The following CCSER1 variants were observed in gnomAD, a reference collection of about 807,000 sequenced individuals.
CCSER1 encodes coiled-coil serine rich protein 1.
CCSER1 carries 41 observed loss-of-function variants against 82.0 expected under a neutral mutation model. The observed-to-expected ratio is 0.50, with a 90% CI of 0.39 to 0.65. The LOEUF is 0.65. Ranked by LOEUF, CCSER1 falls within the 30% of genes least tolerant of loss-of-function variation. The probability of loss-of-function intolerance (pLI) is 0.00; values close to 1 mark genes in which losing one functional copy is unlikely to be tolerated. For missense variants in CCSER1, 1,119 were observed against 1,064.2 expected (o/e 1.05, Z -0.72); for synonymous variants, 414 against 383.9 (o/e 1.08, Z -0.92).
chr4:90,376,126 G>A (rs916298903), intron 3 of CCSER1, among the ~76,000 whole-genome samples: 6 of 152,166 alleles, frequency 3.9e-5, no homozygotes, highest in Non-Finnish European at 7.4e-5. Flanking sequence ...AAGTGTTTAA[G>A]GAAAACATCA....
intron 10 of CCSER1, among the ~76,000 whole-genome samples, chr4:91,558,649 G>A (rs1159053929): frequency 1.3e-5 from 2 of 151,606 alleles, no homozygotes; most frequent in Non-Finnish European, 3.0e-5. Flanking sequence ...GGAAGTGAAA[G>A]ACATTTCTTA....
chr4:91,564,747 AT>A (rs1298783019), intron 10 of CCSER1, among the ~76,000 whole-genome samples: 1 of 151,572 alleles, frequency 6.6e-6, no homozygotes, highest in Non-Finnish European at 1.5e-5. Flanking sequence ...TCTCTTGTTA[AT>A]TTGTTTAGGT....
rs4692960 is a variant in CCSER1 at position 91,046,963 on chromosome 4, T to A, written c.2173-38987T>A. Among the ~76,000 whole-genome samples, 17 of 152,108 alleles carry A rather than the reference T, an allele frequency of 1.1e-4. No homozygotes were observed. In the East Asian group the frequency reaches 1.4e-3, roughly 12 times the overall value. ...GATCTCCTGATCATGTGATCTACCC[T>A]CCTCAGCCTCCCAAAGTGCTGGGAT... On this transcript the variant is annotated intron_variant, in intron 9 of 10. Coordinates refer to ENST00000509176, the MANE Select transcript of CCSER1 (RefSeq NM_001145065.2).
chr4:91,462,467 T>G lies in CCSER1; in HGVS notation c.2218-136105T>G, dbSNP rs1042237116. 6.6e-5 allele frequency among the ~76,000 whole-genome samples: 10 copies of G among 152,094 alleles called. No individual in the cohort carries two copies. The South Asian group carries it at 1.2e-3, about 19-fold the overall frequency. The stretch of plus-strand genomic sequence containing the variant: ...GATGGGTGATTTCTGCATTTCCAAC[T>G]GAGGTACCAGGTTCATCTCACTGGG... On this transcript the variant is annotated intron_variant, in intron 10 of 10. Transcript: ENST00000509176.
At chr4:90,902,073 T>C (rs990273269) in intron 8 of CCSER1, among the ~76,000 whole-genome samples, 40 of 151,874 alleles carry the variant, frequency 2.6e-4, no homozygotes, top group African/African-American at 9.4e-4. Context: ...ATCTAGGCTA[T>C]TGTTAAAGCT....
intron 9 of CCSER1, among the ~76,000 whole-genome samples, chr4:90,970,018 A>G (rs149851391): frequency 1.3e-5 from 2 of 152,034 alleles, no homozygotes; most frequent in South Asian, 4.1e-4. Flanking sequence ...TTACAAAGGA[A>G]TATGACAAGA....
chr4:91,455,008 C>A (rs892155730), intron 10 of CCSER1, among the ~76,000 whole-genome samples: 1 of 152,030 alleles, frequency 6.6e-6, no homozygotes, highest in African/African-American at 2.4e-5. Context: ...CCAGTGATTT[C>A]TATTTTTTCC....
chr4:90,599,458 T>A (rs1305086676), intron 5 of CCSER1, among the ~76,000 whole-genome samples: 1 of 152,170 alleles, frequency 6.6e-6, no homozygotes, highest in Non-Finnish European at 1.5e-5. Context: ...CATGTGTAAC[T>A]GTGACTCAAT....
intron 1 of CCSER1, among the ~76,000 whole-genome samples, chr4:90,274,640 T>A (rs7675868): frequency 0.049 from 7,383 of 152,186 alleles, 479 homozygotes; most frequent in African/African-American, 0.15. Context: ...AGATCCAAAG[T>A]ATATTTTTTA....
At chr4:90,638,368 A>C (rs889869753) in intron 6 of CCSER1, among the ~76,000 whole-genome samples, 3 of 152,182 alleles carry the variant, frequency 2.0e-5, no homozygotes, top group African/African-American at 7.2e-5. Context: ...TGCCAGTGTC[A>C]GTGCTCCCAT....
At chr4:90,386,306 G>A (rs368132222) in intron 3 of CCSER1, among the ~76,000 whole-genome samples, 6 of 152,044 alleles carry the variant, frequency 3.9e-5, no homozygotes, top group East Asian at 3.9e-4. Context: ...AAGCAGATAC[G>A]TACACAAATT....
chr4:91,203,178 G>A (rs374005915), intron 10 of CCSER1, among the ~76,000 whole-genome samples: 3 of 151,796 alleles, frequency 2.0e-5, no homozygotes, highest in African/African-American at 7.3e-5. Flanking sequence ...ACTTTTTAAT[G>A]ATCCCCATTC....
intron 9 of CCSER1, among the ~76,000 whole-genome samples, chr4:91,082,347 G>A (rs1213756825): frequency 6.6e-6 from 1 of 152,178 alleles, no homozygotes; most frequent in Non-Finnish European, 1.5e-5. Context: ...TGGGAAAACT[G>A]GCTAACCATA....
chr4:91,180,922 A>C (rs778165676), intron 10 of CCSER1, among the ~76,000 whole-genome samples: 1 of 141,518 alleles, frequency 7.1e-6, no homozygotes, highest in Non-Finnish European at 1.6e-5. Context: ...AGATGGGCCA[A>C]ATTAAAGCAA....
At chr4:91,515,023 C>A (rs1022557365) in intron 10 of CCSER1, among the ~76,000 whole-genome samples, 1 of 151,976 alleles carries the variant, frequency 6.6e-6, no homozygotes, top group Non-Finnish European at 1.5e-5. Flanking sequence ...ACAAAAACAC[C>A]CGGAATGATG....
At chr4:91,048,904 C>A (rs1742753147) in intron 9 of CCSER1, among the ~76,000 whole-genome samples, 1 of 152,048 alleles carries the variant, frequency 6.6e-6, no homozygotes, top group Non-Finnish European at 1.5e-5. Context: ...CGAGTTCATC[C>A]CATGCTTAAT....
chr4:90,732,692 G>T (rs972311390), intron 7 of CCSER1, among the ~76,000 whole-genome samples: 5 of 151,904 alleles, frequency 3.3e-5, no homozygotes, highest in African/African-American at 1.2e-4. Context: ...CTTGCAAGTG[G>T]GCCTTTCTAA....
At chr4:90,628,687 A>G (rs1560841919) in intron 6 of CCSER1, among the ~76,000 whole-genome samples, 4 of 152,178 alleles carry the variant, frequency 2.6e-5, no homozygotes. Context: ...GTAAAATTCA[A>G]TCTGAAGGTC....
intron 8 of CCSER1, among the ~76,000 whole-genome samples, chr4:90,876,103 A>C (rs1767169873): frequency 6.6e-6 from 1 of 152,100 alleles, no homozygotes; most frequent in Admixed American, 6.6e-5. Flanking sequence ...AATTATGAGA[A>C]GAAAGATAAA....
Sources: allele counts gnomAD v4.1 joint callset (sites outside exome capture counted in the v4.1 genomes callset), GRCh38; gene constraint gnomAD v4.1.1; transcripts MANE v1.5; gene names NCBI Gene and HGNC (gene_info 2026-07-23, HGNC 2026-07-21).